Variants in CNOT1 observed in about 807,000 individuals in gnomAD.
CNOT1 encodes the protein CCR4-associated factor 1.
Under a neutral mutation model 273.8 loss-of-function variants are expected in CNOT1, and 15 were observed. The ratio of observed to expected loss-of-function variants is 0.05; its 90% CI spans 0.04 to 0.08. CNOT1 has a LOEUF of 0.08. Ranked by LOEUF, CNOT1 falls within the 10% of genes least tolerant of loss-of-function variation. CNOT1 has a pLI of 1.00. For synonymous variants in CNOT1, 1,022 were observed against 1,005.5 expected, an observed-to-expected ratio of 1.02 and a Z score of -0.31; for missense variants, 1,644 against 2,912.2, an observed-to-expected ratio of 0.56 and a Z score of 10.02.
intron 39 of CNOT1, 39 bp downstream of exon 39, chr16:58,536,948 TTA>T (rs1567391813): frequency 3.7e-6 from 6 of 1,606,760 alleles, no homozygotes; most frequent in Non-Finnish European, 5.1e-6. Context: ...CACACCCTAC[TTA>T]TGTTGAATAA....
intron 16 of CNOT1, among the ~76,000 whole-genome samples, chr16:58,566,607 A>G (rs1490657319): frequency 6.6e-6 from 1 of 152,180 alleles, no homozygotes; most frequent in East Asian, 1.9e-4. Context: ...TGGAATGGAT[A>G]ATTATTTGTT....
intron 43 of CNOT1, among the ~76,000 whole-genome samples, chr16:58,529,774 G>C (rs1237586329): frequency 6.9e-6 from 1 of 144,810 alleles, no homozygotes; most frequent in Non-Finnish European, 1.5e-5. Context: ...CTGGGAGGTG[G>C]AGGTTGCAGT....
intron 1 of CNOT1, among the ~76,000 whole-genome samples, chr16:58,627,403 CAAAAAAAA>C (rs754338444): frequency 2.0e-4 from 13 of 65,164 alleles, no homozygotes; most frequent in South Asian, 7.8e-4. Flanking sequence ...GACTCCATCT[CAAAAAAAA>C]AAAAAAAAAA....
chr16:58,608,617 G>A (rs1281039779), intron 1 of CNOT1, among the ~76,000 whole-genome samples: 3 of 150,402 alleles, frequency 2.0e-5, no homozygotes, highest in African/African-American at 7.4e-5. Flanking sequence ...CACCTACTGG[G>A]TATCTGTCCA....
rs543101829 is a variant in CNOT1, at chr16:58,560,489, G to A, written c.1980-127C>T. ...ACTCTGTCACCCAGACTGGAGTGCA[G>A]TAGCACGATATCAATTCACTGCAAC... On this transcript the variant is annotated intron_variant, in intron 16 of 48. Transcript: ENST00000317147. The A allele has an allele frequency of 1.3e-3, 1,929 of 1,430,836 alleles. 5 individuals are homozygous for A. The highest frequency in any genetic ancestry group is 0.01 in the Middle Eastern group (41 of 4,014). The allele number at this position is 1,430,836 out of a possible 1,614,324, so 88.6% of individuals were successfully genotyped here.
intron 16 of CNOT1, among the ~76,000 whole-genome samples, chr16:58,561,847 T>G (rs889468970): frequency 1.3e-5 from 2 of 152,184 alleles, no homozygotes; most frequent in Non-Finnish European, 2.9e-5. Flanking sequence ...CAATCTGTAT[T>G]GCCTCATACA....
intron 33 of CNOT1, 56 bp downstream of exon 33, chr16:58,542,175 C>G: frequency 6.3e-7 from 1 of 1,595,080 alleles, no homozygotes; most frequent in Non-Finnish European, 8.5e-7. Flanking sequence ...CAATCAACAA[C>G]AACATTAAAA....
intron 1 of CNOT1, among the ~76,000 whole-genome samples, chr16:58,604,653 C>A (rs1280318588): frequency 1.3e-5 from 2 of 149,576 alleles, no homozygotes; most frequent in African/African-American, 4.9e-5. Flanking sequence ...CAAAATTAGC[C>A]GGGCGTGGTG....
At position 58,545,397 on chromosome 16, in the gene CNOT1, A is replaced by C. The variant is rs374034748; in HGVS notation, c.4101T>G (p.Leu1367=). ...YSYHDINVYS[L]AGLAPHITLN... ...GAGTAATGTGTGGTGCCAAGCCCGC[A>C]AGGGAATAGACATTGATGTCGTGGT... is the stretch of plus-strand genomic sequence containing the variant. The change falls in exon 30 of 49, where the codon CTT becomes CTG. Residue 1367 remains leucine (L), a synonymous_variant. Coordinates refer to ENST00000317147, the MANE Select transcript of CNOT1 (RefSeq NM_016284.5). 3.1e-6 allele frequency: 5 copies of C among 1,613,938 alleles called. No individual in the cohort carries two copies. In the African/African-American group the frequency reaches 6.7e-5, roughly 22 times the overall value.
chr16:58,609,380 A>AG (rs2042807350), intron 1 of CNOT1, among the ~76,000 whole-genome samples: 1 of 151,032 alleles, frequency 6.6e-6, no homozygotes, highest in African/African-American at 2.4e-5. Flanking sequence ...TCAAAAAAAA[A>AG]CACAACAAAA....
intron 2 of CNOT1, among the ~76,000 whole-genome samples, chr16:58,597,238 C>T (rs2042297049): frequency 6.6e-6 from 1 of 152,038 alleles, no homozygotes; most frequent in Non-Finnish European, 1.5e-5. Flanking sequence ...CTTTGGGAAG[C>T]CGAGGCGGGC....
chr16:58,524,800 AC>A (rs1247616262), intron 46 of CNOT1, among the ~76,000 whole-genome samples: 1 of 152,212 alleles, frequency 6.6e-6, no homozygotes, highest in Non-Finnish European at 1.5e-5. Context: ...TAATCTTTAT[AC>A]ATGAACATTT....
chr16:58,597,222 A>G (rs1174258404), intron 2 of CNOT1, among the ~76,000 whole-genome samples: 1 of 151,932 alleles, frequency 6.6e-6, no homozygotes, highest in African/African-American at 2.4e-5. Context: ...GCCTGTAATC[A>G]CAGCACTTTG....
chr16:58,559,342 G>A (rs1351684686), intron 17 of CNOT1, among the ~76,000 whole-genome samples: 1 of 151,936 alleles, frequency 6.6e-6, no homozygotes, highest in African/African-American at 2.4e-5. Flanking sequence ...TAGTGACATG[G>A]GACACTTATT....
At chr16:58,581,602 C>T in intron 10 of CNOT1, 87 bp from the exon 11 acceptor site, 1 of 1,442,340 alleles carries the variant, frequency 6.9e-7, no homozygotes, top group Non-Finnish European at 9.1e-7. Flanking sequence ...ATCTGAAATT[C>T]AATTTAGATG....
Position 58,541,548 on chromosome 16 carries a change from T to C in CNOT1, c.4753A>G (p.Thr1585Ala). Residue 1585 changes from threonine (T) to alanine (A), a missense_variant, in exon 34 of 49, where the codon ACA (threonine) becomes GCA (alanine). Thr to Ala is a moderately conservative substitution (Grantham distance 58). Around this residue, in one of 13 missense-constraint regions of CNOT1, gnomAD observed 170 missense variants for 273.1 expected, o/e 0.62. Coordinates refer to ENST00000317147, the MANE Select transcript of CNOT1 (RefSeq NM_016284.5). ...FARNVPGFLP[T>A]NDLSQPTGFL... is the part of the protein sequence containing the mutation. ...CCCGTGGGCTGACTTAAGTCATTTGTAGGTAAGAAGCCAGGAACATTGCGT... is the reference window on the plus strand; with the variant it reads ...CCCGTGGGCTGACTTAAGTCATTTGCAGGTAAGAAGCCAGGAACATTGCGT... The C allele has an allele frequency of 6.2e-7, 1 of 1,614,058 alleles. No individual in the cohort carries two copies. The highest frequency in any genetic ancestry group is 8.5e-7 in the Non-Finnish European group (1 of 1,179,914).
chr16:58,580,349 C>G (rs370283953), intron 12 of CNOT1, among the ~76,000 whole-genome samples: 2 of 147,520 alleles, frequency 1.4e-5, no homozygotes, highest in East Asian at 3.9e-4. Flanking sequence ...AATCTCAATA[C>G]TAAGGGAGAA....
At position 58,532,357 on chromosome 16, in the gene CNOT1, A is replaced by G. The variant is rs1567388949; in HGVS notation, c.5934T>C (p.His1978=). ...GIVVGVLLQD[H]DVRQSEFQQL... is the part of the protein sequence containing the mutation. ...GCTGAAATTCACTCTGACGAACATCATGATCCTGAAGGAGAACTCCCACTA... is the reference window on the plus strand; with the variant it reads ...GCTGAAATTCACTCTGACGAACATCGTGATCCTGAAGGAGAACTCCCACTA... The change falls in exon 41 of 49, where the codon CAT becomes CAC. Residue 1978 remains histidine, a synonymous_variant. Coordinates refer to ENST00000317147, the MANE Select transcript of CNOT1 (RefSeq NM_016284.5). 1 of 1,614,182 alleles carries G rather than the reference A, an allele frequency of 6.2e-7. No homozygotes were observed. The highest frequency in any genetic ancestry group is 8.5e-7 in the Non-Finnish European group (1 of 1,180,032).
intron 34 of CNOT1, 134 bp downstream of exon 34, chr16:58,541,367 T>G (rs958238742): frequency 1.5e-6 from 2 of 1,376,748 alleles, no homozygotes; most frequent in Non-Finnish European, 1.9e-6. Context: ...AAAGAATACC[T>G]ACAACTCAAA....
Sources: allele counts gnomAD v4.1 joint callset (sites outside exome capture counted in the v4.1 genomes callset), GRCh38; gene constraint gnomAD v4.1.1; regional missense constraint gnomAD v4.1.1; transcripts MANE v1.5; gene names NCBI Gene and HGNC (gene_info 2026-07-23, HGNC 2026-07-21).